Variants in ADGRA3 observed in about 807,000 individuals in gnomAD.
The protein encoded by ADGRA3 is adhesion G protein-coupled receptor A3, also known as G-protein coupled receptor 125.
A neutral mutation model predicts 119.8 loss-of-function variants in ADGRA3; 56 were observed. That is an observed-to-expected ratio of 0.47 (90% CI 0.38 to 0.58). The LOEUF is 0.58. Among genes scored for constraint, ADGRA3 ranks in the 20% least tolerant of loss-of-function variants. The pLI is 0.00. For synonymous variants in ADGRA3, 607 were observed against 623.8 expected, an observed-to-expected ratio of 0.97 and a Z score of 0.40; for missense variants, 1,516 against 1,649.0, an observed-to-expected ratio of 0.92 and a Z score of 1.40.
intron 12 of ADGRA3, chr4:22,414,439 G>T: frequency 2.1e-6 from 1 of 468,898 alleles, no homozygotes; most frequent in South Asian, 4.2e-5. Context: ...TCTTTATTGA[G>T]GATTTTTAAA....
Position 22,450,493 on chromosome 4 carries a change from T to C in ADGRA3, c.474-2982A>G, listed in dbSNP as rs140078341. On this transcript the variant is annotated intron_variant, in intron 4 of 18. Coordinates refer to ENST00000334304, the MANE Select transcript of ADGRA3 (RefSeq NM_145290.4). ...GTTAGCCAGGCTGGTCTCGAACTCC[T>C]GACCTCAAGTGATCCGCTTGCCTCA... 9.1e-3 allele frequency among the ~76,000 whole-genome samples: 1,380 copies of C among 152,256 alleles called. 36 individuals carry two copies. The highest frequency in any genetic ancestry group is 0.048 in the Admixed American group (729 of 15,282).
At chr4:22,443,256 G>T in intron 6 of ADGRA3, 1 of 488,044 alleles carries the variant, frequency 2.0e-6, no homozygotes. Context: ...CGAGTTTTTG[G>T]CTGTAAAACT....
intron 1 of ADGRA3, among the ~76,000 whole-genome samples, chr4:22,494,121 C>T (rs1718726681): frequency 6.6e-6 from 1 of 151,412 alleles, no homozygotes; most frequent in South Asian, 2.1e-4. Flanking sequence ...AGGAGAATTG[C>T]TTAAACCTGG....
chr4:22,392,194 G>C (rs1714160273), intron 17 of ADGRA3, among the ~76,000 whole-genome samples: 1 of 152,202 alleles, frequency 6.6e-6, no homozygotes, highest in African/African-American at 2.4e-5. Context: ...ACATACTTGA[G>C]TATGACATAA....
At position 22,452,257 on chromosome 4, in the gene ADGRA3, A is replaced by C. The variant is rs187765473; in HGVS notation, c.473+2609T>G. Among the ~76,000 whole-genome samples, 8 of 152,292 alleles carry C rather than the reference A, an allele frequency of 5.3e-5. No homozygotes were observed. The East Asian group carries it at 1.5e-3, about 29-fold the overall frequency. On this transcript the variant is annotated intron_variant, in intron 4 of 18. Transcript: ENST00000334304. Reference sequence around the variant, plus strand: ...TAGACAGTGGAAAATCACATGCATGAGGGGGTAGGAAGAGGGTGGATGATG... The same window carrying C: ...TAGACAGTGGAAAATCACATGCATGCGGGGGTAGGAAGAGGGTGGATGATG...
At chr4:22,472,493 T>C (rs546793975) in intron 2 of ADGRA3, among the ~76,000 whole-genome samples, 8 of 152,298 alleles carry the variant, frequency 5.3e-5, no homozygotes, top group African/African-American at 1.9e-4. Context: ...AATAAAGTGC[T>C]ACTACCGTGC....
chr4:22,459,033 C>A (rs1036198136), intron 3 of ADGRA3, among the ~76,000 whole-genome samples: 2 of 152,120 alleles, frequency 1.3e-5, no homozygotes, highest in Admixed American at 6.6e-5. Context: ...TCCTTTAACT[C>A]CTACCTTTCT....
chr4:22,463,061 T>G (rs1717528707), intron 2 of ADGRA3, among the ~76,000 whole-genome samples: 1 of 152,152 alleles, frequency 6.6e-6, no homozygotes, highest in Admixed American at 6.5e-5. Context: ...CCTACAACCT[T>G]GTCTACTGAA....
chr4:22,388,746 T>C lies in ADGRA3; in HGVS notation c.2925A>G (p.Ser975=), dbSNP rs1713965036. 3 of 1,614,050 alleles carry C rather than the reference T, an allele frequency of 1.9e-6. No homozygotes were observed. The highest frequency in any genetic ancestry group is 1.1e-5 in the South Asian group (1 of 91,078). Residue 975 remains serine (S), a synonymous_variant, in exon 19 of 19, where the codon TCA becomes TCG. Coordinates refer to ENST00000334304, the MANE Select transcript of ADGRA3 (RefSeq NM_145290.4). The part of the protein sequence containing the change: ...NENGEINHQD[S]MSLSLISTSA... ...ATGTAGAAATCAGAGACAAAGACAT[T>C]GAATCCTGATGATTTATTTCGCCAT...
intron 5 of ADGRA3, among the ~76,000 whole-genome samples, chr4:22,445,543 C>A (rs573148655): frequency 1.3e-5 from 2 of 152,286 alleles, no homozygotes; most frequent in African/African-American, 4.8e-5. Flanking sequence ...ACCATCATTG[C>A]CACATTCTTG....
At chr4:22,393,084 C>G (rs1475403144) in intron 16 of ADGRA3, 2 of 153,486 alleles carry the variant, frequency 1.3e-5, no homozygotes. Context: ...TAGAGTGCTG[C>G]AGTGTGATCT....
At chr4:22,401,847 C>T (rs1031920278) in intron 15 of ADGRA3, among the ~76,000 whole-genome samples, 7 of 152,082 alleles carry the variant, frequency 4.6e-5, no homozygotes, top group African/African-American at 9.7e-5. Context: ...CAATAAGAAA[C>T]GCATGGGCTT....
At chr4:22,453,285 G>T (rs1446949899) in intron 4 of ADGRA3, among the ~76,000 whole-genome samples, 1 of 151,824 alleles carries the variant, frequency 6.6e-6, no homozygotes, top group Non-Finnish European at 1.5e-5. Context: ...AGAAATGTTT[G>T]CAGGGCAATT....
intron 10 of ADGRA3, among the ~76,000 whole-genome samples, chr4:22,433,754 T>C (rs1263736020): frequency 6.6e-6 from 1 of 152,210 alleles, no homozygotes; most frequent in Non-Finnish European, 1.5e-5. Context: ...CGGAAATGAC[T>C]GCTAATCCTG....
At chr4:22,396,696 T>C (rs903481619) in intron 16 of ADGRA3, among the ~76,000 whole-genome samples, 1 of 152,162 alleles carries the variant, frequency 6.6e-6, no homozygotes, top group Non-Finnish European at 1.5e-5. Context: ...ATAAGAATGA[T>C]GCTATGTCTT....
chr4:22,433,923 T>A (rs1716287599), intron 10 of ADGRA3, among the ~76,000 whole-genome samples: 1 of 152,000 alleles, frequency 6.6e-6, no homozygotes, highest in Non-Finnish European at 1.5e-5. Context: ...TTAGAAAAAA[T>A]CATGGCCCCT....
intron 17 of ADGRA3, among the ~76,000 whole-genome samples, chr4:22,392,185 C>T (rs1234689820): frequency 1.3e-5 from 2 of 152,210 alleles, no homozygotes; most frequent in African/African-American, 4.8e-5. Context: ...TAAACTGATA[C>T]ATACTTGAGT....
intron 1 of ADGRA3, chr4:22,514,574 T>A (rs1186761949): frequency 6.6e-6 from 1 of 152,206 alleles, no homozygotes; most frequent in South Asian, 2.1e-4. Context: ...CTGCCTTGAT[T>A]CTTTTTTTAG....
intron 1 of ADGRA3, among the ~76,000 whole-genome samples, chr4:22,487,204 A>G (rs977355156): frequency 3.3e-5 from 5 of 152,200 alleles, no homozygotes. Context: ...GATATTGTTT[A>G]GATAAGTATT....
Sources: allele counts gnomAD v4.1 joint callset (sites outside exome capture counted in the v4.1 genomes callset), GRCh38; gene constraint gnomAD v4.1.1; transcripts MANE v1.5; gene names NCBI Gene and HGNC (gene_info 2026-07-23, HGNC 2026-07-21).